Variants in RNGTT observed in about 807,000 individuals in gnomAD.
RNGTT encodes the protein RNA guanylyltransferase and 5'-phosphatase.
Under a neutral mutation model 79.3 loss-of-function variants are expected in RNGTT, and 33 were observed. That is an observed-to-expected ratio of 0.42 (90% CI 0.32 to 0.56). The LOEUF (loss-of-function observed/expected upper bound fraction) is 0.56. RNGTT is among the 20% of genes least tolerant of loss of function. RNGTT has a pLI of 0.17. For missense variants in RNGTT, 497 were observed against 739.1 expected, an observed-to-expected ratio of 0.67 and a Z score of 3.80; for synonymous variants, 222 against 235.9, an observed-to-expected ratio of 0.94 and a Z score of 0.54.
intron 14 of RNGTT, among the ~76,000 whole-genome samples, chr6:88,667,009 A>G (rs1405777161): frequency 3.3e-5 from 5 of 152,196 alleles, no homozygotes; most frequent in Admixed American, 6.5e-5. Context: ...AGTTATTAGA[A>G]GCAGTATGGA....
rs552704244 is a variant in RNGTT, at chr6:88,941,557, C to T, written c.65-377G>A. ...TGCTGGAATTACAGGCGTGAGCCAC[C>T]GCACCCAGCCTCTTAAAACATTTTA... On this transcript the variant is annotated intron_variant, in intron 1 of 15. Coordinates refer to ENST00000369485, the MANE Select transcript of RNGTT (RefSeq NM_003800.5). Among the ~76,000 whole-genome samples the T allele has an allele frequency of 1.1e-4, 16 of 152,132 alleles. No individual in the cohort carries two copies. In the South Asian group the frequency reaches 2.3e-3, roughly 22 times the overall value.
chr6:88,763,685 T>G (rs1236375361), intron 13 of RNGTT, among the ~76,000 whole-genome samples: 3 of 152,142 alleles, frequency 2.0e-5, no homozygotes, highest in Admixed American at 6.5e-5. Context: ...AAGACACATG[T>G]AAGACAGAAG....
At chr6:88,945,757 G>A (rs1194605762) in intron 1 of RNGTT, among the ~76,000 whole-genome samples, 11 of 152,170 alleles carry the variant, frequency 7.2e-5, no homozygotes, top group Admixed American at 7.2e-4. Context: ...CCATGTATCT[G>A]GATTCTGGCC....
chr6:88,856,754 G>T (rs1321086), intron 8 of RNGTT, among the ~76,000 whole-genome samples: 32,077 of 151,992 alleles, frequency 0.21, 4,001 homozygotes, highest in African/African-American at 0.33. Flanking sequence ...CAAAAAGTAA[G>T]GAGCTATTTC....
intron 8 of RNGTT, among the ~76,000 whole-genome samples, chr6:88,866,271 T>G (rs764840761): frequency 3.9e-5 from 6 of 152,166 alleles, no homozygotes; most frequent in Non-Finnish European, 8.8e-5. Context: ...AAAGGGTTCT[T>G]ATGTAGTCCC....
intron 14 of RNGTT, among the ~76,000 whole-genome samples, chr6:88,643,665 G>A (rs1773413364): frequency 6.6e-6 from 1 of 152,188 alleles, no homozygotes; most frequent in South Asian, 2.1e-4. Flanking sequence ...TCAGACCACA[G>A]TGCAATCAAA....
At chr6:88,702,850 A>G (rs1319999437) in intron 13 of RNGTT, among the ~76,000 whole-genome samples, 1 of 152,202 alleles carries the variant, frequency 6.6e-6, no homozygotes, top group East Asian at 1.9e-4. Flanking sequence ...AAACAACTGA[A>G]CAAGCAAAAA....
At chr6:88,715,906 G>A (rs1216402112) in intron 13 of RNGTT, among the ~76,000 whole-genome samples, 4 of 152,122 alleles carry the variant, frequency 2.6e-5, no homozygotes, top group African/African-American at 7.2e-5. Flanking sequence ...ATAGGCATGG[G>A]CAAGGACTTC....
intron 8 of RNGTT, among the ~76,000 whole-genome samples, chr6:88,889,647 G>A (rs1044626761): frequency 2.4e-4 from 36 of 152,074 alleles, no homozygotes; most frequent in Admixed American, 1.8e-3. Context: ...ATTTCAACTT[G>A]CTAAATGAAT....
intron 13 of RNGTT, among the ~76,000 whole-genome samples, chr6:88,692,462 A>G (rs1195469108): frequency 1.3e-5 from 2 of 152,178 alleles, no homozygotes; most frequent in East Asian, 1.9e-4. Flanking sequence ...GCAAAAAAAA[A>G]AAGGGCTATT....
chr6:88,717,752 G>A (rs1286745095), intron 13 of RNGTT, among the ~76,000 whole-genome samples: 2 of 152,040 alleles, frequency 1.3e-5, no homozygotes, highest in Non-Finnish European at 2.9e-5. Flanking sequence ...CAAGACAGAA[G>A]CTTTTCGACA....
chr6:88,928,663 G>T (rs1331377196), intron 4 of RNGTT, among the ~76,000 whole-genome samples: 1 of 151,890 alleles, frequency 6.6e-6, no homozygotes, highest in Non-Finnish European at 1.5e-5. Context: ...GAATAAAAAA[G>T]AATGAAGTTT....
chr6:88,930,580 C>T (rs553861940), intron 2 of RNGTT, among the ~76,000 whole-genome samples: 55 of 152,038 alleles, frequency 3.6e-4, no homozygotes, highest in African/African-American at 1.2e-3. Context: ...GTAAAACGAA[C>T]GCATATAAAA....
At chr6:88,666,711 C>T (rs182534998) in intron 14 of RNGTT, among the ~76,000 whole-genome samples, 51 of 152,290 alleles carry the variant, frequency 3.3e-4, no homozygotes, top group Admixed American at 1.2e-3. Flanking sequence ...TGTATGTGGA[C>T]GGAAGCAGCT....
intron 9 of RNGTT, 23 bp from the exon 10 acceptor site, chr6:88,849,849 G>A (rs1781613190): frequency 6.6e-7 from 1 of 1,520,192 alleles, no homozygotes; most frequent in South Asian, 1.3e-5. Context: ...AAGAAGGTAA[G>A]TTTCTTCATA....
intron 7 of RNGTT, 52 bp downstream of exon 7, chr6:88,891,754 G>C: frequency 9.0e-7 from 1 of 1,112,060 alleles, no homozygotes; most frequent in Non-Finnish European, 1.3e-6. Context: ...CTTGTATTAA[G>C]TGTTGTAAAA....
At chr6:88,805,602 T>C (rs117184094) in intron 11 of RNGTT, among the ~76,000 whole-genome samples, 3 of 152,128 alleles carry the variant, frequency 2.0e-5, no homozygotes, top group African/African-American at 7.2e-5. Context: ...AATATCCCTA[T>C]GCAAGGCAAA....
At chr6:88,623,590 T>C (rs537073882) in intron 14 of RNGTT, among the ~76,000 whole-genome samples, 1 of 152,210 alleles carries the variant, frequency 6.6e-6, no homozygotes, top group African/African-American at 2.4e-5. Flanking sequence ...GTCATCATCA[T>C]AGTCCAACCT....
At chr6:88,928,186 C>A (rs1042343978) in intron 4 of RNGTT, among the ~76,000 whole-genome samples, 1 of 151,824 alleles carries the variant, frequency 6.6e-6, no homozygotes, top group Admixed American at 6.6e-5. Context: ...CACTCCGGCC[C>A]GGGCGATACA....
Sources: gnomAD v4.1 joint callset for allele counts (sites outside exome capture counted in the v4.1 genomes callset) on GRCh38, gnomAD v4.1.1 for gene constraint, MANE v1.5 for transcripts, NCBI Gene and HGNC (gene_info 2026-07-23, HGNC 2026-07-21) for gene names.